Variants in POLR3B observed in about 807,000 individuals in gnomAD.
POLR3B encodes DNA-directed RNA polymerase III subunit RPC2.
In POLR3B, 96 loss-of-function variants were observed where a neutral mutation model predicts 147.4. The observed-to-expected ratio is 0.65, with a 90% CI of 0.55 to 0.77. The LOEUF (loss-of-function observed/expected upper bound fraction) is 0.77, where lower values mean the gene tolerates loss of function less well. Ranked by LOEUF, POLR3B falls within the 30% of genes least tolerant of loss-of-function variation. The pLI is 0.00. For synonymous variants in POLR3B, 461 were observed against 485.9 expected (o/e 0.95, Z 0.67); for missense variants, 1,036 against 1,413.5 (o/e 0.73, Z 4.28).
chr12:106,437,161 C>T, intron 17 of POLR3B, 30 bp downstream of exon 17: 2 of 1,321,702 alleles, frequency 1.5e-6, no homozygotes, highest in Non-Finnish European at 2.2e-6. Flanking sequence ...ACTTACCAAT[C>T]TCCTTAATAC....
intron 23 of POLR3B, among the ~76,000 whole-genome samples, chr12:106,495,525 T>C (rs1187431977): frequency 6.6e-6 from 1 of 152,190 alleles, no homozygotes; most frequent in Non-Finnish European, 1.5e-5. Context: ...CACTGCAGCC[T>C]ATAGGTAGAC....
At chr12:106,393,180 T>C (rs1262554971) in intron 10 of POLR3B, 27 bp downstream of exon 10, 11 of 1,613,624 alleles carry the variant, frequency 6.8e-6, no homozygotes, top group Admixed American at 1.7e-5. Flanking sequence ...TGTCCTTTGC[T>C]ATGAAATGGA....
rs143909610 is a variant in POLR3B, at chr12:106,363,577, A to G, written c.73-293A>G. 0.016 allele frequency among the ~76,000 whole-genome samples: 2,457 copies of G among 152,320 alleles called. 28 individuals carry two copies. The highest frequency in any genetic ancestry group is 0.031 in the Middle Eastern group (9 of 294). ...TTATTTTCCTTTTCTCAAACTGGCA[A>G]ACTTCACTTAGGAAGTGTCATGAGA... On this transcript the variant is annotated intron_variant, in intron 1 of 27. Coordinates refer to ENST00000228347, the MANE Select transcript of POLR3B (RefSeq NM_018082.6).
intron 4 of POLR3B, among the ~76,000 whole-genome samples, chr12:106,368,805 T>C (rs1046352040): frequency 2.6e-5 from 4 of 152,200 alleles, no homozygotes; most frequent in African/African-American, 9.6e-5. Flanking sequence ...TTCCAGTTCT[T>C]TCCACCCTGT....
chr12:106,486,196 G>T (rs928787422), intron 23 of POLR3B, among the ~76,000 whole-genome samples: 1 of 150,350 alleles, frequency 6.7e-6, no homozygotes, highest in Admixed American at 6.6e-5. Flanking sequence ...GACTGAGGCA[G>T]GAGAATGATG....
intron 23 of POLR3B, among the ~76,000 whole-genome samples, chr12:106,489,690 G>A (rs892566984): frequency 6.6e-6 from 1 of 152,172 alleles, no homozygotes; most frequent in African/African-American, 2.4e-5. Context: ...ACCTTCATTT[G>A]TTAGTCCTTT....
intron 23 of POLR3B, among the ~76,000 whole-genome samples, chr12:106,486,588 C>T (rs2038343574): frequency 1.3e-5 from 2 of 152,152 alleles, no homozygotes; most frequent in African/African-American, 2.4e-5. Flanking sequence ...TTAAGATGGG[C>T]ATCTTCTCAA....
chr12:106,503,281 AGTAT>A (rs1321392244), intron 26 of POLR3B, among the ~76,000 whole-genome samples: 1 of 152,212 alleles, frequency 6.6e-6, no homozygotes, highest in African/African-American at 2.4e-5. Flanking sequence ...TTAAAATTTC[AGTAT>A]GTGTTGGCAT....
At chr12:106,372,411 C>G (rs1397123018) in intron 6 of POLR3B, among the ~76,000 whole-genome samples, 1 of 148,190 alleles carries the variant, frequency 6.7e-6, no homozygotes, top group Non-Finnish European at 1.5e-5. Flanking sequence ...GATCTCAGCT[C>G]ACTGCAACCT....
At chr12:106,416,450 G>C (rs1447589571) in intron 12 of POLR3B, among the ~76,000 whole-genome samples, 1 of 151,372 alleles carries the variant, frequency 6.6e-6, no homozygotes, top group Non-Finnish European at 1.5e-5. Flanking sequence ...CATCTGTCTG[G>C]AGGCTCTGGC....
At chr12:106,490,638 G>A (rs1565913632) in intron 23 of POLR3B, among the ~76,000 whole-genome samples, 1 of 152,160 alleles carries the variant, frequency 6.6e-6, no homozygotes. Context: ...CCCTCCCTCT[G>A]GGGATTATTT....
chr12:106,399,226 A>G (rs952363573), intron 10 of POLR3B, among the ~76,000 whole-genome samples: 1 of 152,262 alleles, frequency 6.6e-6, no homozygotes, highest in Admixed American at 6.5e-5. Context: ...AAAGGCTATC[A>G]GTGATGGAAG....
Position 106,433,244 on chromosome 12 carries a change from G to A in POLR3B, c.1628-475G>A, listed in dbSNP as rs185053294. On this transcript the variant is annotated intron_variant, in intron 15 of 27. Transcript: ENST00000228347. ...CTTTTACTCTGCACTTTCACCCAGT[G>A]CCTCTTTGAATCCTCCCGCTAACCT... Among the ~76,000 whole-genome samples, 8 of 152,312 alleles carry A rather than the reference G, an allele frequency of 5.3e-5. No homozygotes were observed. The East Asian group carries it at 1.5e-3, about 29-fold the overall frequency.
chr12:106,457,008 A>T lies in POLR3B; in HGVS notation c.2294-130A>T. The T allele has an allele frequency of 6.4e-6, 5 of 777,436 alleles. No individual in the cohort carries two copies. The South Asian group carries it at 7.2e-5, about 11-fold the overall frequency. 48.2% of individuals were successfully genotyped at this position (777,436 alleles called of 1,614,324 possible). A position where few individuals can be genotyped will look rare whatever the true frequency, so the allele number is the denominator to read the frequency against. ...TGGTTTGTACTGGTCCCAGATTATTATCAAATACAGAGAAGTTTTGGGATT... is the reference window on the plus strand; with the variant it reads ...TGGTTTGTACTGGTCCCAGATTATTTTCAAATACAGAGAAGTTTTGGGATT... On this transcript the variant is annotated intron_variant, in intron 20 of 27. Coordinates refer to ENST00000228347, the MANE Select transcript of POLR3B (RefSeq NM_018082.6).
chr12:106,445,346 A>G (rs773005812), intron 19 of POLR3B, among the ~76,000 whole-genome samples: 1 of 152,190 alleles, frequency 6.6e-6, no homozygotes. Flanking sequence ...TAAGAAAATT[A>G]GAGGAGGAAG....
At chr12:106,391,482 TA>T (rs2036913998) in intron 9 of POLR3B, among the ~76,000 whole-genome samples, 2 of 152,164 alleles carry the variant, frequency 1.3e-5, no homozygotes. Flanking sequence ...AATGTTGGCC[TA>T]AAAGGGACAT....
Position 106,504,297 on chromosome 12 carries a change from C to T in POLR3B, c.3272+43C>T, listed in dbSNP as rs1230924546. 1 of 1,508,680 alleles carries T rather than the reference C, an allele frequency of 6.6e-7. No homozygotes were observed. Among genetic ancestry groups the T allele is most frequent in the Non-Finnish European group, 9.2e-7 (1 of 1,083,698 alleles). 93.5% of individuals were successfully genotyped at this position (1,508,680 alleles called of 1,614,324 possible). ...GTCTCCCATACCACACCCCTTGCCT[C>T]TTAAATCACAGCTCAAGAATTGACC... On this transcript the variant is annotated intron_variant, in intron 27 of 27. Coordinates refer to ENST00000228347, the MANE Select transcript of POLR3B (RefSeq NM_018082.6). The surrounding 1 kb of genome is among the most constrained non-coding windows in gnomAD (Gnocchi z 4.6).
intron 13 of POLR3B, among the ~76,000 whole-genome samples, chr12:106,428,970 T>C (rs1278720929): frequency 6.6e-6 from 1 of 152,188 alleles, no homozygotes; most frequent in East Asian, 1.9e-4. Context: ...GTTTTTCTGC[T>C]ACAAGGGTTT....
rs192021946 is a variant in POLR3B, at chr12:106,421,389, A to G, written c.1102-5808A>G. Among the ~76,000 whole-genome samples, 73 of 152,332 alleles carry G rather than the reference A, an allele frequency of 4.8e-4. 2 individuals carry two copies. Among genetic ancestry groups the G allele is most frequent in the Middle Eastern group, 6.8e-3 (2 of 294 alleles). ...ACACTAGTTTGCCAAGTATTTCTAC[A>G]TTACGTTGTATATGAATTTCTGATG... On this transcript the variant is annotated intron_variant, in intron 12 of 27. Coordinates refer to ENST00000228347, the MANE Select transcript of POLR3B (RefSeq NM_018082.6).
Sources: gnomAD v4.1 joint callset for allele counts (sites outside exome capture counted in the v4.1 genomes callset) on GRCh38, gnomAD v4.1.1 for gene constraint, Gnocchi (gnomAD v3.1) non-coding constraint, MANE v1.5 for transcripts, NCBI Gene and HGNC (gene_info 2026-07-23, HGNC 2026-07-21) for gene names.